DICER1: variants seen among roughly 807,000 people sequenced by gnomAD.
DICER1 encodes endoribonuclease Dicer.
A neutral mutation model predicts 194.1 loss-of-function variants in DICER1; 43 were observed. That is an observed-to-expected ratio of 0.22 (90% CI 0.17 to 0.29). The LOEUF is 0.29. Among genes scored for constraint, DICER1 ranks in the 10% least tolerant of loss-of-function variants. The probability of loss-of-function intolerance (pLI) is 1.00; values close to 1 mark genes in which losing one functional copy is unlikely to be tolerated. For synonymous variants in DICER1, 832 were observed against 820.5 expected (o/e 1.01, Z -0.24); for missense variants, 1,608 against 2,317.0 (o/e 0.69, Z 6.28).
chr14:95,096,924 C>A (rs575094193), intron 22 of DICER1, among the ~76,000 whole-genome samples: 4 of 152,098 alleles, frequency 2.6e-5, no homozygotes, highest in Non-Finnish European at 5.9e-5. Context: ...TTTGAATGTT[C>A]GTTTTCTAAG....
chr14:95,149,992 TC>T (rs1895408741), intron 1 of DICER1, among the ~76,000 whole-genome samples: 1 of 152,246 alleles, frequency 6.6e-6, no homozygotes, highest in Non-Finnish European at 1.5e-5. Flanking sequence ...TTTGGTATCA[TC>T]TGACTATACC....
rs750625383 is a variant in DICER1 at position 95,124,350 on chromosome 14, T to C, written c.1222A>G (p.Asn408Asp). 6.2e-7 allele frequency: 1 copy of C among 1,613,926 alleles called. No homozygotes were observed. The highest frequency in any genetic ancestry group is 1.1e-5 in the South Asian group (1 of 91,078). ...VEWYNNRNQD[N>D]YVSWSDSEDD... ...TCAGAATCACTCCATGACACATAAT[T>C]ATCCTGATTTCTATTATTATACCAC... The change falls in exon 8 of 27, where the codon AAT (asparagine) becomes GAT (aspartate). Residue 408 changes from asparagine (N) to aspartate (D), a missense_variant. Transcript: ENST00000343455. This position sits in a 1 kb window ranked among gnomAD's most constrained non-coding sequence, Gnocchi z 4.5.
intron 24 of DICER1, 26 bp from the exon 25 acceptor site, chr14:95,091,391 T>A (rs771345378): frequency 6.2e-7 from 1 of 1,613,654 alleles, no homozygotes; most frequent in Non-Finnish European, 8.5e-7. Context: ...AAGTGACTTG[T>A]AAGCAAAAAG....
chr14:95,151,251 T>G (rs1339349965), intron 1 of DICER1, among the ~76,000 whole-genome samples: 1 of 152,194 alleles, frequency 6.6e-6, no homozygotes, highest in East Asian at 1.9e-4. Flanking sequence ...GCTGAACCAG[T>G]ATAGATAATC....
chr14:95,134,522 C>G (rs1475795574), intron 1 of DICER1: 1 of 152,204 alleles, frequency 6.6e-6, no homozygotes, highest in African/African-American at 2.4e-5. Context: ...GATAATTCAA[C>G]TCTGTTACTT....
chr14:95,116,392 A>G, intron 10 of DICER1, 61 bp downstream of exon 10: 1 of 1,583,804 alleles, frequency 6.3e-7, no homozygotes, highest in South Asian at 1.1e-5. Context: ...AAAGAATAAC[A>G]AAGAAGCCAC....
At chr14:95,122,845 G>A (rs907395784) in intron 8 of DICER1, among the ~76,000 whole-genome samples, 36 of 152,084 alleles carry the variant, frequency 2.4e-4, no homozygotes, top group African/African-American at 8.2e-4. Flanking sequence ...GCCAGATGAT[G>A]ACCCTCGAGT....
upstream of DICER1, chr14:95,157,769 C>T (rs543758780): frequency 6.6e-6 from 1 of 152,302 alleles, no homozygotes; most frequent in Non-Finnish European, 1.5e-5. Context: ...CCCGGGAACC[C>T]GCGCGCCGAG....
In DICER1 at chr14:95,115,716, C is replaced by T. The variant is rs1892381031; in HGVS notation, c.1858G>A (p.Asp620Asn). 2 of 1,614,134 alleles carry T rather than the reference C, an allele frequency of 1.2e-6. No individual in the cohort carries two copies. Among genetic ancestry groups the T allele is most frequent in the Non-Finnish European group, 1.7e-6 (2 of 1,180,008 alleles). The change falls in exon 11 of 27, where the codon GAT becomes AAT. Residue 620 changes from aspartate to asparagine, a missense_variant. Coordinates refer to ENST00000343455, the MANE Select transcript of DICER1 (RefSeq NM_177438.3). ...VFPPYVLRPDDGGPRVTINTA... is the reference protein window; with the variant it reads ...VFPPYVLRPDNGGPRVTINTA... ...TTGATTGTGACTCGTGGACCACCAT[C>T]GTCAGGCCTCAACACATATGGTGGG... is the stretch of plus-strand genomic sequence containing the variant.
chr14:95,125,824 GGAAAAAAAGACA>G (rs948819095), intron 7 of DICER1, among the ~76,000 whole-genome samples: 1 of 142,274 alleles, frequency 7.0e-6, no homozygotes, highest in Admixed American at 7.1e-5. Flanking sequence ...GAGAGAGAGA[GGAAAAAAAGACA>G]GGAAAGAAAA....
intron 20 of DICER1, 148 bp downstream of exon 20, chr14:95,104,923 C>A (rs1416725047): frequency 5.4e-6 from 4 of 738,700 alleles, no homozygotes; most frequent in Non-Finnish European, 9.0e-6. Context: ...TTCTCATCTC[C>A]CTCTGAGACT....
At chr14:95,090,734 G>T in intron 26 of DICER1, 71 bp from the exon 27 acceptor site, 2 of 1,566,986 alleles carry the variant, frequency 1.3e-6, no homozygotes, top group East Asian at 2.2e-5. Flanking sequence ...AGCATTTAGT[G>T]TGCACTCTCA....
At chr14:95,127,021 A>G (rs1893535655) in intron 6 of DICER1, among the ~76,000 whole-genome samples, 1 of 152,248 alleles carries the variant, frequency 6.6e-6, no homozygotes, top group South Asian at 2.1e-4. Context: ...GGGAAAGAAA[A>G]GAATACAAAT....
Position 95,103,830 on chromosome 14 carries a change from T to C in DICER1, c.3566A>G (p.Tyr1189Cys), listed in dbSNP as rs1891140921. 1 of 1,614,238 alleles carries C rather than the reference T, an allele frequency of 6.2e-7. No individual in the cohort carries two copies. The highest frequency in any genetic ancestry group is 1.1e-5 in the South Asian group (1 of 91,084). The change falls in exon 21 of 27, where the codon TAT becomes TGT. Residue 1189 changes from tyrosine (Y) to cysteine (C), a missense_variant. Coordinates refer to ENST00000343455, the MANE Select transcript of DICER1 (RefSeq NM_177438.3). ...GCAAAAGTCTCTGTTAGCTAAATCA[T>C]AACTGCCATTGGCGAGATTTTGATT... Reference protein sequence around the residue: ...SYNQNLANGSYDLANRDFCQG... With the variant: ...SYNQNLANGSCDLANRDFCQG...
In DICER1 at chr14:95,117,750, T is replaced by C. The variant is rs141163928; in HGVS notation, c.1381A>G (p.Ile461Val). The C allele has an allele frequency of 1.6e-4, 253 of 1,613,762 alleles. 1 individual carries two copies. In the Middle Eastern group the frequency reaches 5.3e-3, roughly 34 times the overall value. Residue 461 changes from isoleucine (I) to valine (V), a missense_variant, in exon 9 of 27, where the codon ATA becomes GTA. By Grantham distance (29) the Ile-to-Val change is conservative. Transcript: ENST00000343455. The part of the protein sequence containing the change: ...RYTAVVLNRL[I>V]KEAGKQDPEL... ...GGATCTTGTTTGCCAGCTTCCTTTA[T>C]CAATCTAAGAAAATTATACACATTT...
chr14:95,118,525 T>G (rs977278916), intron 8 of DICER1, among the ~76,000 whole-genome samples: 3 of 152,276 alleles, frequency 2.0e-5, no homozygotes, highest in East Asian at 3.9e-4. Context: ...TGCCTGCTCC[T>G]CTGTATTAAC....
chr14:95,091,557 C>T, intron 24 of DICER1, 192 bp from the exon 25 acceptor site: 2 of 584,018 alleles, frequency 3.4e-6, no homozygotes, highest in Non-Finnish European at 5.9e-6. Flanking sequence ...TTTCAAACTT[C>T]TCAAGAAAAA....
rs1319493934 is a variant in DICER1, at chr14:95,105,938, T to G, written c.2987+103A>C. ...GTGCAAAGCATCTCCTGATTTCAGA[T>G]AGTCCACGGGTGGGCAGGGGGACAG... On this transcript the variant is annotated intron_variant, in intron 18 of 26. Transcript: ENST00000343455. The surrounding 1 kb of genome is among the most constrained non-coding windows in gnomAD (Gnocchi z 4.9). 1.4e-6 allele frequency: 2 copies of G among 1,438,338 alleles called. No homozygotes were observed. The highest frequency in any genetic ancestry group is 1.7e-5 in the Admixed American group (1 of 59,788). The allele number at this position is 1,438,338 out of a possible 1,614,324, so 89.1% of individuals were successfully genotyped here.
intron 1 of DICER1, among the ~76,000 whole-genome samples, chr14:95,144,703 T>C (rs535439960): frequency 1.3e-5 from 2 of 152,144 alleles, no homozygotes; most frequent in African/African-American, 2.4e-5. Context: ...ATAGCCAGAT[T>C]AACCTGAAAA....
Sources: allele counts gnomAD v4.1 joint callset (sites outside exome capture counted in the v4.1 genomes callset), GRCh38; gene constraint gnomAD v4.1.1; non-coding constraint Gnocchi (gnomAD v3.1); transcripts MANE v1.5; gene names NCBI Gene and HGNC (gene_info 2026-07-23, HGNC 2026-07-21).